MAMDC2: variants seen among roughly 807,000 people sequenced by gnomAD.
The protein encoded by MAMDC2 is MAM domain-containing protein 2.
MAMDC2 carries 57 observed loss-of-function variants against 89.8 expected under a neutral mutation model. The observed-to-expected ratio is 0.63, with a 90% CI of 0.51 to 0.79. The LOEUF (loss-of-function observed/expected upper bound fraction) is 0.79, where lower values mean the gene tolerates loss of function less well. MAMDC2 is among the 30% of genes least tolerant of loss of function. The pLI, the probability that MAMDC2 is intolerant of heterozygous loss-of-function variation, is 0.00. For synonymous variants in MAMDC2, 313 were observed against 293.4 expected (o/e 1.07, Z -0.68); for missense variants, 800 against 820.6 (o/e 0.97, Z 0.31).
chr9:70,121,905 C>T lies in MAMDC2; in HGVS notation c.644-4254C>T, dbSNP rs536879571. Among the ~76,000 whole-genome samples, 5 of 152,236 alleles carry T rather than the reference C, an allele frequency of 3.3e-5. No homozygotes were observed. In the East Asian group the frequency reaches 7.7e-4, roughly 24 times the overall value. ...AGAATACAATGGCACCTGCAGCCACCTACCCATTGACTCCTCTTCCTCAGA... is the reference window on the plus strand; with the variant it reads ...AGAATACAATGGCACCTGCAGCCACTTACCCATTGACTCCTCTTCCTCAGA... On this transcript the variant is annotated intron_variant, in intron 5 of 13. Transcript: ENST00000377182.
At chr9:70,179,527 A>G (rs2032586658) in intron 11 of MAMDC2, among the ~76,000 whole-genome samples, 1 of 83,560 alleles carries the variant, frequency 1.2e-5, no homozygotes, top group Admixed American at 1.4e-4. Flanking sequence ...CCGTCTCAAA[A>G]AAAATAAATA....
chr9:70,062,260 T>TACACACAC (rs71505376), intron 2 of MAMDC2, among the ~76,000 whole-genome samples: 1 of 150,042 alleles, frequency 6.7e-6, no homozygotes, highest in Non-Finnish European at 1.5e-5. Flanking sequence ...ATGAGATGTA[T>TACACACAC]ACACACACAC....
intron 11 of MAMDC2, among the ~76,000 whole-genome samples, chr9:70,214,403 T>C (rs975142038): frequency 5.3e-5 from 8 of 152,194 alleles, no homozygotes; most frequent in Admixed American, 3.9e-4. Flanking sequence ...CCAGGAATAA[T>C]ACAAAGGCCA....
intron 11 of MAMDC2, among the ~76,000 whole-genome samples, chr9:70,199,059 GTT>G (rs1554681332): frequency 0.12 from 3,679 of 29,636 alleles, 128 homozygotes; most frequent in African/African-American, 0.2. Context: ...TTTTTCGTTT[GTT>G]TTTTTTTTAT....
At chr9:70,131,097 C>T (rs1050347285) in intron 6 of MAMDC2, among the ~76,000 whole-genome samples, 2 of 152,170 alleles carry the variant, frequency 1.3e-5, no homozygotes, top group African/African-American at 2.4e-5. Flanking sequence ...CTGGCGTCTG[C>T]TGAGGGCCTG....
In MAMDC2 at chr9:70,068,699, T is replaced by G. The variant is rs2997673; in HGVS notation, c.148+24002T>G. 9.3e-3 allele frequency among the ~76,000 whole-genome samples: 1,316 copies of G among 141,450 alleles called. 25 individuals are homozygous for G. The highest frequency in any genetic ancestry group is 0.033 in the African/African-American group (1,249 of 37,680). The allele number at this position is 141,450 out of a possible 152,430, so 92.8% of individuals were successfully genotyped here. Reference sequence around the variant, plus strand: ...ATCGCACCACTGCATTCCAGCCTGGTTGACAGAGTGAGACTCCCTCCATCA... The same window carrying G: ...ATCGCACCACTGCATTCCAGCCTGGGTGACAGAGTGAGACTCCCTCCATCA... On this transcript the variant is annotated intron_variant, in intron 2 of 13. Coordinates refer to ENST00000377182, the MANE Select transcript of MAMDC2 (RefSeq NM_153267.5).
At position 70,054,875 on chromosome 9, in the gene MAMDC2, G is replaced by T. The variant is rs551745363; in HGVS notation, c.148+10178G>T. 2.6e-5 allele frequency among the ~76,000 whole-genome samples: 4 copies of T among 152,186 alleles called. No homozygotes were observed. The East Asian group carries it at 7.7e-4, about 29-fold the overall frequency. On this transcript the variant is annotated intron_variant, in intron 2 of 13. Coordinates refer to ENST00000377182, the MANE Select transcript of MAMDC2 (RefSeq NM_153267.5). ...TACAGGGGAGGTGGGAGCTTGGGCTGAATCTGTGGTAATTATGATGTGCCC... is the reference window on the plus strand; with the variant it reads ...TACAGGGGAGGTGGGAGCTTGGGCTTAATCTGTGGTAATTATGATGTGCCC...
chr9:70,046,903 C>G (rs1826767697), intron 2 of MAMDC2, among the ~76,000 whole-genome samples: 1 of 152,182 alleles, frequency 6.6e-6, no homozygotes, highest in Admixed American at 6.5e-5. Flanking sequence ...TTGGACGTAA[C>G]AGTGTACTGC....
intron 11 of MAMDC2, among the ~76,000 whole-genome samples, chr9:70,216,730 A>G (rs2033452851): frequency 6.6e-6 from 1 of 152,242 alleles, no homozygotes; most frequent in African/African-American, 2.4e-5. Context: ...CTACTAGTGA[A>G]GAGTTTAGGG....
At chr9:70,108,739 AC>A (rs1286023776) in intron 3 of MAMDC2, among the ~76,000 whole-genome samples, 1 of 152,172 alleles carries the variant, frequency 6.6e-6, no homozygotes, top group Non-Finnish European at 1.5e-5. Context: ...GCTTAAATCA[AC>A]CTCTTCAATG....
chr9:70,043,971 C>A lies in MAMDC2; in HGVS notation c.-227C>A, dbSNP rs1826667313. 15 of 604,890 alleles carry A rather than the reference C, an allele frequency of 2.5e-5. No individual in the cohort carries two copies. The South Asian group carries it at 2.6e-4, about 10-fold the overall frequency. 37.5% of individuals were successfully genotyped at this position (604,890 alleles called of 1,614,324 possible). ...GGTCTGACCTGAGGCTGCTGCTCAGCGCCGGGGCGCTGGCGCTCTCCATTC... is the reference window on the plus strand; with the variant it reads ...GGTCTGACCTGAGGCTGCTGCTCAGAGCCGGGGCGCTGGCGCTCTCCATTC... On this transcript the variant is annotated 5_prime_UTR_variant, in exon 1 of 14. Transcript: ENST00000377182.
Position 70,095,193 on chromosome 9 carries a change from C to T in MAMDC2, c.149-13018C>T, listed in dbSNP as rs147457226. On this transcript the variant is annotated intron_variant, in intron 2 of 13. Transcript: ENST00000377182. ...GCAGAAAAGGGTGTGGTTAAATATG[C>T]GAGCCAGAACACCAAGGCCATGTAA... is the stretch of plus-strand genomic sequence containing the variant. 1.8e-3 allele frequency among the ~76,000 whole-genome samples: 277 copies of T among 152,244 alleles called. 3 individuals carry two copies. The highest frequency in any genetic ancestry group is 2.1e-3 in the East Asian group (11 of 5,182).
At chr9:70,195,450 C>G (rs1337343750) in intron 11 of MAMDC2, among the ~76,000 whole-genome samples, 2 of 152,076 alleles carry the variant, frequency 1.3e-5, no homozygotes, top group Non-Finnish European at 2.9e-5. Flanking sequence ...TTACAGTAGT[C>G]CCCTCTTATC....
chr9:70,139,508 T>TC (rs1348494624), intron 7 of MAMDC2, among the ~76,000 whole-genome samples: 1 of 152,008 alleles, frequency 6.6e-6, no homozygotes. Context: ...ATTTTCTTAA[T>TC]CCAGTCTATC....
At chr9:70,052,554 G>A (rs1426283392) in intron 2 of MAMDC2, among the ~76,000 whole-genome samples, 2 of 152,054 alleles carry the variant, frequency 1.3e-5, no homozygotes, top group Admixed American at 1.3e-4. Context: ...ACTTTCCACT[G>A]TGTAAGTCTT....
intron 4 of MAMDC2, 25 bp downstream of exon 4, chr9:70,109,829 A>C (rs763146367): frequency 2.5e-6 from 4 of 1,575,298 alleles, no homozygotes; most frequent in Non-Finnish European, 3.5e-6. Flanking sequence ...TTTTCATTAA[A>C]TCAAATTGTG....
chr9:70,218,436 C>T lies in MAMDC2; in HGVS notation c.1751C>T (p.Thr584Ile), dbSNP rs775668492. ...LRGVSGKHCL[T>I]FFYHMYGGGT... The stretch of plus-strand genomic sequence containing the variant: ...GGAGTCTCTGGAAAACACTGCTTGA[C>T]CTTTTTCTACCACATGTATGGAGGG... The change falls in exon 12 of 14, where the codon ACC (threonine) becomes ATC (isoleucine). Residue 584 changes from threonine (T) to isoleucine (I), a missense_variant. Coordinates refer to ENST00000377182, the MANE Select transcript of MAMDC2 (RefSeq NM_153267.5). 1.2e-6 allele frequency: 2 copies of T among 1,614,220 alleles called. No individual in the cohort carries two copies. The highest frequency in any genetic ancestry group is 1.7e-5 in the Admixed American group (1 of 60,028).
At chr9:70,125,426 C>T (rs901206977) in intron 5 of MAMDC2, among the ~76,000 whole-genome samples, 2 of 152,172 alleles carry the variant, frequency 1.3e-5, no homozygotes, top group Admixed American at 1.3e-4. Flanking sequence ...GATTCAACCT[C>T]ATTTCTCTTC....
chr9:70,143,368 T>A (rs1384825132), intron 8 of MAMDC2, among the ~76,000 whole-genome samples, 186 bp from the exon 9 acceptor site: 3 of 152,188 alleles, frequency 2.0e-5, no homozygotes, highest in Non-Finnish European at 2.9e-5. Context: ...TTGAATGAGG[T>A]ATCATTTCAA....
Sources: gnomAD v4.1 joint callset for allele counts (sites outside exome capture counted in the v4.1 genomes callset) on GRCh38, gnomAD v4.1.1 for gene constraint, MANE v1.5 for transcripts, NCBI Gene and HGNC (gene_info 2026-07-23, HGNC 2026-07-21) for gene names.